RAB5A: variants seen among roughly 807,000 people sequenced by gnomAD.
The protein encoded by RAB5A is ras-related protein Rab-5A.
RAB5A carries 8 observed loss-of-function variants against 25.7 expected under a neutral mutation model. That is an observed-to-expected ratio of 0.31 (90% CI 0.18 to 0.56). The LOEUF is 0.56. RAB5A is among the 20% of genes least tolerant of loss of function. The pLI, the probability that RAB5A is intolerant of heterozygous loss-of-function variation, is 0.91. For synonymous variants in RAB5A, 98 were observed against 89.8 expected, an observed-to-expected ratio of 1.09 and a Z score of -0.52; for missense variants, 192 against 259.7, an observed-to-expected ratio of 0.74 and a Z score of 1.79.
intron 5 of RAB5A, chr3:19,980,218 C>G (rs963041975): frequency 9.2e-5 from 14 of 152,214 alleles, no homozygotes; most frequent in African/African-American, 3.4e-4. Flanking sequence ...CCTCTCAAAT[C>G]AGCCTGCACT....
intron 2 of RAB5A, among the ~76,000 whole-genome samples, chr3:19,967,629 T>C (rs1418836345): frequency 6.6e-6 from 1 of 152,220 alleles, no homozygotes; most frequent in Non-Finnish European, 1.5e-5. Context: ...TCTTTCTGTA[T>C]GCTATCTACA....
rs780812738 is a variant in RAB5A, at chr3:19,970,613, AGTGCTG to A, written c.164-4984_164-4979del. On this transcript the variant is annotated intron_variant, in intron 2 of 5. Coordinates refer to ENST00000273047, the MANE Select transcript of RAB5A (RefSeq NM_004162.5). ...GGGCCCGAAAAGAAAACCAACTGCT[AGTGCTG>A]GTGATGGAAGTGAAGAGAAAATGAA... The A allele has an allele frequency of 1.1e-5, 5 of 456,572 alleles. No individual in the cohort carries two copies. In the East Asian group the frequency reaches 2.8e-4, roughly 25 times the overall value. 28.3% of individuals were successfully genotyped at this position (456,572 alleles called of 1,614,324 possible).
intron 2 of RAB5A, among the ~76,000 whole-genome samples, chr3:19,966,886 C>T (rs1696669720): frequency 6.6e-6 from 1 of 152,096 alleles, no homozygotes; most frequent in African/African-American, 2.4e-5. Flanking sequence ...CACACTGCAG[C>T]CTGACCTCCT....
intron 2 of RAB5A, among the ~76,000 whole-genome samples, chr3:19,967,285 C>T (rs1364784517): frequency 2.6e-5 from 4 of 152,188 alleles, no homozygotes; most frequent in Middle Eastern, 6.8e-3. Flanking sequence ...GCTGGGATTA[C>T]AGGCAACCGC....
intron 2 of RAB5A, among the ~76,000 whole-genome samples, chr3:19,971,455 C>T (rs529459366): frequency 6.6e-6 from 1 of 151,636 alleles, no homozygotes; most frequent in South Asian, 2.1e-4. Flanking sequence ...AACAGTAGTA[C>T]GGTGGTGGTG....
At position 19,947,266 on chromosome 3, in the gene RAB5A, CCGGCGG is replaced by C. The variant is rs67898127; in HGVS notation, c.-333_-328del. 1.3e-4 allele frequency: 23 copies of C among 182,910 alleles called. No individual in the cohort carries two copies. Among genetic ancestry groups the C allele is most frequent in the Non-Finnish European group, 1.6e-4 (15 of 91,196 alleles). 11.3% of individuals were successfully genotyped at this position (182,910 alleles called of 1,614,324 possible). ...GGAAGAATTAGTCGGAACTCCAGCGCCGGCGGCGGCGGCGGCGGCGGAGGAGGAGAA... is the reference window on the plus strand; with the variant it reads ...GGAAGAATTAGTCGGAACTCCAGCGCCGGCGGCGGCGGCGGAGGAGGAGAA... On this transcript the variant is annotated 5_prime_UTR_variant, in exon 1 of 6. Transcript: ENST00000273047.
At chr3:19,979,565 G>GCCACC (rs1696883726) in intron 5 of RAB5A, among the ~76,000 whole-genome samples, 1 of 152,136 alleles carries the variant, frequency 6.6e-6, no homozygotes, top group Non-Finnish European at 1.5e-5. Flanking sequence ...GATTACAGGC[G>GCCACC]CGAGCCACTG....
intron 1 of RAB5A, among the ~76,000 whole-genome samples, chr3:19,949,124 C>T (rs1249133337): frequency 6.6e-6 from 1 of 152,092 alleles, no homozygotes; most frequent in Non-Finnish European, 1.5e-5. Context: ...CAGGATTACA[C>T]CCCTAAATCT....
intron 5 of RAB5A, among the ~76,000 whole-genome samples, chr3:19,981,316 A>G (rs766984771): frequency 6.6e-6 from 1 of 152,230 alleles, no homozygotes; most frequent in Non-Finnish European, 1.5e-5. Context: ...AATTAAAAAT[A>G]TCATAAATCA....
chr3:19,975,913 G>A, intron 3 of RAB5A, 134 bp from the exon 4 acceptor site: 1 of 1,350,432 alleles, frequency 7.4e-7, no homozygotes. Flanking sequence ...AAACGAAAAT[G>A]TCTCATAATA....
chr3:19,984,236 T>A lies in RAB5A; in HGVS notation c.*413T>A. On this transcript the variant is annotated 3_prime_UTR_variant, in exon 6 of 6. Coordinates refer to ENST00000273047, the MANE Select transcript of RAB5A (RefSeq NM_004162.5). ...AAACATTCTTTGTTTAGAAGGAGAT[T>A]CTAAAGTTATTTATGATGCTTAGCC... is the stretch of plus-strand genomic sequence containing the variant. 1 of 421,716 alleles carries A rather than the reference T, an allele frequency of 2.4e-6. No individual in the cohort carries two copies. The highest frequency in any genetic ancestry group is 1.7e-5 in the South Asian group (1 of 58,294). 26.1% of individuals were successfully genotyped at this position (421,716 alleles called of 1,614,324 possible).
chr3:19,975,754 T>C lies in RAB5A; in HGVS notation c.315+2T>C, dbSNP rs1322839993. On this transcript the variant is annotated splice_donor_variant, in intron 3 of 5. Transcript: ENST00000273047. LOFTEE classifies it high-confidence loss of function. ...GTTGTATATGATATCACAAATGAGGTAAGTATGGATGCATTCCACAGTAAA... is the reference window on the plus strand; with the variant it reads ...GTTGTATATGATATCACAAATGAGGCAAGTATGGATGCATTCCACAGTAAA... 2 of 1,608,052 alleles carry C rather than the reference T, an allele frequency of 1.2e-6. No individual in the cohort carries two copies. The highest frequency in any genetic ancestry group is 8.5e-7 in the Non-Finnish European group (1 of 1,177,368).
At chr3:19,961,861 A>G (rs530392603) in intron 2 of RAB5A, among the ~76,000 whole-genome samples, 284 of 152,288 alleles carry the variant, frequency 1.9e-3, no homozygotes, top group Non-Finnish European at 3.1e-3. Flanking sequence ...ACTGTAATAC[A>G]CTTTTTATTT....
At chr3:19,979,918 CATAA>C (rs2125132400) in intron 5 of RAB5A, 1 of 152,234 alleles carries the variant, frequency 6.6e-6, no homozygotes, top group South Asian at 2.1e-4. Context: ...AAATTGAACT[CATAA>C]ATAGTTAATA....
intron 5 of RAB5A, among the ~76,000 whole-genome samples, chr3:19,981,830 C>T (rs573829295): frequency 3.9e-4 from 60 of 152,098 alleles, no homozygotes; most frequent in Non-Finnish European, 7.5e-4. Context: ...TGACAAGCCA[C>T]ACTCATCGGA....
intron 2 of RAB5A, among the ~76,000 whole-genome samples, chr3:19,965,142 G>C (rs540085867): frequency 6.6e-6 from 1 of 152,046 alleles, no homozygotes; most frequent in Non-Finnish European, 1.5e-5. Context: ...GGCTGGTCTC[G>C]CACTCCTGAC....
At chr3:19,951,701 G>GTTTTTTTTGTTTTTTTT (rs1553638047) in intron 2 of RAB5A, among the ~76,000 whole-genome samples, 1 of 99,012 alleles carries the variant, frequency 1.0e-5, no homozygotes, top group African/African-American at 4.1e-5. Flanking sequence ...TGCCAGGCAA[G>GTTTTTTTTGTTTTTTTT]TTTTTTTTTT....
chr3:19,979,475 C>T (rs1314489409), intron 5 of RAB5A, among the ~76,000 whole-genome samples: 3 of 151,154 alleles, frequency 2.0e-5, no homozygotes, highest in Non-Finnish European at 2.9e-5. Flanking sequence ...TTAGTAGAGA[C>T]GGGGTTTCAC....
At chr3:19,967,441 G>T (rs549041368) in intron 2 of RAB5A, among the ~76,000 whole-genome samples, 1 of 152,052 alleles carries the variant, frequency 6.6e-6, no homozygotes, top group East Asian at 1.9e-4. Context: ...CATTGCGCTC[G>T]GCCCTTTGTC....
Sources: gnomAD v4.1 joint callset for allele counts (sites outside exome capture counted in the v4.1 genomes callset) on GRCh38, gnomAD v4.1.1 for gene constraint, MANE v1.5 for transcripts, NCBI Gene and HGNC (gene_info 2026-07-23, HGNC 2026-07-21) for gene names.